The following GRIA2 variants were observed in gnomAD, a reference collection of about 807,000 sequenced individuals.
GRIA2 encodes the protein glutamate ionotropic receptor AMPA type subunit 2.
In GRIA2, 14 loss-of-function variants were observed where a neutral mutation model predicts 97.3. The observed-to-expected ratio is 0.14, with a 90% CI of 0.10 to 0.23. The LOEUF (loss-of-function observed/expected upper bound fraction) is 0.23, where lower values mean the gene tolerates loss of function less well. Among genes scored for constraint, GRIA2 ranks in the 10% least tolerant of loss-of-function variants. The pLI is 1.00. For missense variants in GRIA2, 558 were observed against 1,069.8 expected, an observed-to-expected ratio of 0.52 and a Z score of 6.67; for synonymous variants, 412 against 387.8, an observed-to-expected ratio of 1.06 and a Z score of -0.73.
chr4:157,356,282 G>A (rs1736374387), intron 12 of GRIA2, among the ~76,000 whole-genome samples: 1 of 148,972 alleles, frequency 6.7e-6, no homozygotes, highest in Admixed American at 6.9e-5. Context: ...AGAAAATCAA[G>A]GTGCAGTTGT....
At position 157,241,050 on chromosome 4, in the gene GRIA2, T is replaced by C. The variant is rs191342156; in HGVS notation, c.229+19243T>C. On this transcript the variant is annotated intron_variant, in intron 2 of 15. Coordinates refer to ENST00000264426, the MANE Select transcript of GRIA2 (RefSeq NM_001083619.3). The stretch of plus-strand genomic sequence containing the variant: ...CAAAGGACATGAACTCATCATTTTT[T>C]ATGGCTGCATAGTATTCCAAGGTGT... Among the ~76,000 whole-genome samples, 104 of 152,316 alleles carry C rather than the reference T, an allele frequency of 6.8e-4. 1 individual carries two copies. Among genetic ancestry groups the C allele is most frequent in the African/African-American group, 2.3e-3 (97 of 41,580 alleles).
chr4:157,340,046 A>C (rs1335411201), intron 11 of GRIA2, among the ~76,000 whole-genome samples: 1 of 151,518 alleles, frequency 6.6e-6, no homozygotes, highest in Non-Finnish European at 1.5e-5. Context: ...TGATGTTTTT[A>C]TATCAAAAAA....
At chr4:157,262,707 T>G (rs1731598011) in intron 2 of GRIA2, among the ~76,000 whole-genome samples, 1 of 152,048 alleles carries the variant, frequency 6.6e-6, no homozygotes, top group Non-Finnish European at 1.5e-5. Flanking sequence ...ATATTTATCT[T>G]TCATTAACAG....
chr4:157,348,394 A>C (rs1735856689), intron 12 of GRIA2, among the ~76,000 whole-genome samples: 1 of 152,066 alleles, frequency 6.6e-6, no homozygotes, highest in Admixed American at 6.6e-5. Flanking sequence ...GTTCACCACC[A>C]TGCTCAGCTA....
chr4:157,326,119 C>A (rs1734793219), intron 6 of GRIA2, among the ~76,000 whole-genome samples: 1 of 152,118 alleles, frequency 6.6e-6, no homozygotes. Flanking sequence ...CCAACCTAAG[C>A]AACTTCCTAC....
rs1736745289 is a variant in GRIA2 at position 157,363,705 on chromosome 4, A to T, written c.*274A>T. The T allele has an allele frequency of 4.1e-6, 2 of 485,672 alleles. No homozygotes were observed. The highest frequency in any genetic ancestry group is 8.8e-5 in the Admixed American group (2 of 22,768). 30.1% of individuals were successfully genotyped at this position (485,672 alleles called of 1,614,324 possible). On this transcript the variant is annotated 3_prime_UTR_variant, in exon 16 of 16. Coordinates refer to ENST00000264426, the MANE Select transcript of GRIA2 (RefSeq NM_001083619.3). ...TTGAAGACTTTTCTTTCAGCCAAGA[A>T]TTCTTAAATATGTGGAGTTCATCTT...
intron 2 of GRIA2, among the ~76,000 whole-genome samples, chr4:157,239,375 T>A (rs555697396): frequency 3.3e-5 from 5 of 152,184 alleles, no homozygotes; most frequent in East Asian, 3.9e-4. Context: ...TTTTGTTTAT[T>A]TTTGGAATGT....
At chr4:157,265,205 G>A (rs1283751519) in intron 2 of GRIA2, among the ~76,000 whole-genome samples, 2 of 152,118 alleles carry the variant, frequency 1.3e-5, no homozygotes, top group East Asian at 1.9e-4. Flanking sequence ...TTGGAAATGC[G>A]ATGGTGAACA....
In GRIA2 at chr4:157,337,175, T is replaced by G. The variant is rs534808931; in HGVS notation, c.1844+428T>G. Among the ~76,000 whole-genome samples the G allele has an allele frequency of 8.5e-5, 13 of 152,214 alleles. No individual in the cohort carries two copies. The East Asian group carries it at 2.5e-3, about 30-fold the overall frequency. On this transcript the variant is annotated intron_variant, in intron 11 of 15. Coordinates refer to ENST00000264426, the MANE Select transcript of GRIA2 (RefSeq NM_001083619.3). ...TCGTTGGCACACATCTCATCTCTTT[T>G]ATTTTCCCATCATTAGTTCATGGAA... is the stretch of plus-strand genomic sequence containing the variant.
chr4:157,237,619 C>T (rs908231972), intron 2 of GRIA2, among the ~76,000 whole-genome samples: 1 of 151,952 alleles, frequency 6.6e-6, no homozygotes, highest in African/African-American at 2.4e-5. Context: ...CAAGGAGTTA[C>T]AAACAAATAG....
chr4:157,263,398 G>A (rs1203582456), intron 2 of GRIA2, among the ~76,000 whole-genome samples: 3 of 149,942 alleles, frequency 2.0e-5, no homozygotes, highest in African/African-American at 4.9e-5. Context: ...TTTTTTTTCT[G>A]TAGTGGCTCA....
chr4:157,243,513 ATTTTC>A (rs1354502002), intron 2 of GRIA2, among the ~76,000 whole-genome samples: 2 of 152,090 alleles, frequency 1.3e-5, no homozygotes, highest in Non-Finnish European at 2.9e-5. Flanking sequence ...AGGACAAAGC[ATTTTC>A]TTTTATTTTT....
At chr4:157,271,360 A>T (rs1327632118) in intron 2 of GRIA2, among the ~76,000 whole-genome samples, 2 of 152,068 alleles carry the variant, frequency 1.3e-5, no homozygotes, top group Admixed American at 1.3e-4. Context: ...GCTAACCACA[A>T]GCCACAGGTT....
At chr4:157,275,197 C>A (rs1732234689) in intron 2 of GRIA2, among the ~76,000 whole-genome samples, 1 of 152,052 alleles carries the variant, frequency 6.6e-6, no homozygotes, top group Non-Finnish European at 1.5e-5. Flanking sequence ...TATCCTTCGC[C>A]CACTTTTTGA....
intron 2 of GRIA2, among the ~76,000 whole-genome samples, chr4:157,239,162 A>G (rs1579295568): frequency 6.6e-6 from 1 of 152,116 alleles, no homozygotes; most frequent in Non-Finnish European, 1.5e-5. Flanking sequence ...AACTATTCCC[A>G]TGAAATACCC....
intron 2 of GRIA2, among the ~76,000 whole-genome samples, chr4:157,295,427 T>C (rs1733302255): frequency 6.6e-6 from 1 of 152,064 alleles, no homozygotes; most frequent in African/African-American, 2.4e-5. Context: ...AAAATGTCAT[T>C]GGGGTGTATG....
chr4:157,229,083 G>A (rs1426229444), intron 2 of GRIA2, among the ~76,000 whole-genome samples: 2 of 152,032 alleles, frequency 1.3e-5, no homozygotes, highest in Non-Finnish European at 2.9e-5. Context: ...AAAATGTACA[G>A]AATCACAAAA....
chr4:157,280,720 A>G (rs141293952), intron 2 of GRIA2, among the ~76,000 whole-genome samples: 7 of 151,972 alleles, frequency 4.6e-5, no homozygotes, highest in Non-Finnish European at 1.0e-4. Context: ...GCCCCAGTGC[A>G]CAAGTGCTTA....
intron 2 of GRIA2, among the ~76,000 whole-genome samples, chr4:157,303,004 C>T (rs755667712): frequency 5.9e-5 from 9 of 152,112 alleles, no homozygotes; most frequent in Non-Finnish European, 1.3e-4. Flanking sequence ...GACTGAGTGA[C>T]ACAATATGAC....
Sources: gnomAD v4.1 joint callset for allele counts (sites outside exome capture counted in the v4.1 genomes callset) on GRCh38, gnomAD v4.1.1 for gene constraint, MANE v1.5 for transcripts, NCBI Gene and HGNC (gene_info 2026-07-23, HGNC 2026-07-21) for gene names.